The following MCMDC2 variants were observed in gnomAD, a reference collection of about 807,000 sequenced individuals.
The protein encoded by MCMDC2 is minichromosome maintenance domain-containing protein 2.
MCMDC2 carries 54 observed loss-of-function variants against 75.8 expected under a neutral mutation model. The ratio of observed to expected loss-of-function variants is 0.71; its 90% CI spans 0.57 to 0.89. MCMDC2 has a LOEUF of 0.89. Among genes scored for constraint, MCMDC2 ranks in the 40% least tolerant of loss-of-function variants. The probability of loss-of-function intolerance (pLI) is 0.00; values close to 1 mark genes in which losing one functional copy is unlikely to be tolerated. For synonymous variants in MCMDC2, 249 were observed against 274.6 expected (o/e 0.91, Z 0.92); for missense variants, 656 against 780.4 (o/e 0.84, Z 1.90).
At chr8:66,903,012 T>C (rs1391034150) in intron 13 of MCMDC2, among the ~76,000 whole-genome samples, 1 of 150,480 alleles carries the variant, frequency 6.6e-6, no homozygotes, top group East Asian at 2.0e-4. Context: ...CTGAGCTACT[T>C]GGGAGGCTGT....
chr8:66,879,087 C>A (rs1364853868), intron 7 of MCMDC2, among the ~76,000 whole-genome samples, 168 bp downstream of exon 7: 2 of 151,964 alleles, frequency 1.3e-5, no homozygotes, highest in African/African-American at 4.8e-5. Context: ...GAGACCCCAT[C>A]TCTACAAAAA....
At chr8:66,882,915 G>A (rs2130805958) in intron 8 of MCMDC2, among the ~76,000 whole-genome samples, 1 of 152,328 alleles carries the variant, frequency 6.6e-6, no homozygotes, top group Admixed American at 6.5e-5. Flanking sequence ...TTCTGTAGGT[G>A]GAGAGTGTGC....
Position 66,919,435 on chromosome 8 carries a change from A to G in MCMDC2, c.*266A>G. ...ATAAAGTTGTCAAGGAGAATACTAT[A>G]AAGAAAAACCTGGTTAGCCCAGAAT... is the stretch of plus-strand genomic sequence containing the variant. On this transcript the variant is annotated 3_prime_UTR_variant, in exon 15 of 15. Transcript: ENST00000422365. The G allele has an allele frequency of 4.2e-6, 1 of 235,760 alleles. No homozygotes were observed. The highest frequency in any genetic ancestry group is 8.1e-6 in the Non-Finnish European group (1 of 123,274). 14.6% of individuals were successfully genotyped at this position (235,760 alleles called of 1,614,324 possible).
intron 1 of MCMDC2, among the ~76,000 whole-genome samples, chr8:66,873,670 G>A (rs1470592728): frequency 1.3e-5 from 2 of 152,000 alleles, no homozygotes; most frequent in African/African-American, 4.8e-5. Flanking sequence ...GGCGGATCAC[G>A]AGGTCAGGAG....
rs1342074246 is a variant in MCMDC2 at position 66,922,002 on chromosome 8, A to AT, written c.*2836dup. On this transcript the variant is annotated 3_prime_UTR_variant, in exon 15 of 15. Transcript: ENST00000422365. ...AGCCAAATATGTATTTTTCTCCATA[A>AT]TTTATTGTGATGTTATCAACATCAA... is the stretch of plus-strand genomic sequence containing the variant. 2 of 152,802 alleles carry AT rather than the reference A, an allele frequency of 1.3e-5. No individual in the cohort carries two copies. The highest frequency in any genetic ancestry group is 2.9e-5 in the Non-Finnish European group (2 of 68,440). 9.5% of individuals were successfully genotyped at this position (152,802 alleles called of 1,614,324 possible).
At chr8:66,882,479 C>T (rs369464003) in intron 8 of MCMDC2, among the ~76,000 whole-genome samples, 23 of 152,122 alleles carry the variant, frequency 1.5e-4, no homozygotes, top group Non-Finnish European at 3.1e-4. Flanking sequence ...GATTCTCCTG[C>T]CTCAGCCTCT....
At chr8:66,899,898 GATC>G (rs1467435479) in intron 12 of MCMDC2, among the ~76,000 whole-genome samples, 1 of 151,328 alleles carries the variant, frequency 6.6e-6, no homozygotes, top group Non-Finnish European at 1.5e-5. Context: ...GAGGCGGGCA[GATC>G]ACCTGAGGTC....
At chr8:66,913,697 G>A (rs2130868066) in intron 14 of MCMDC2, among the ~76,000 whole-genome samples, 1 of 152,240 alleles carries the variant, frequency 6.6e-6, no homozygotes, top group Non-Finnish European at 1.5e-5. Flanking sequence ...CGGGCGCAGT[G>A]GTTCACGCCT....
At chr8:66,904,785 T>C (rs1051392674) in intron 13 of MCMDC2, among the ~76,000 whole-genome samples, 1 of 152,188 alleles carries the variant, frequency 6.6e-6, no homozygotes, top group African/African-American at 2.4e-5. Context: ...AGAGGAAATT[T>C]AGTTTTCTGA....
chr8:66,917,536 C>T (rs901877758), intron 14 of MCMDC2, among the ~76,000 whole-genome samples: 1 of 152,202 alleles, frequency 6.6e-6, no homozygotes, highest in African/African-American at 2.4e-5. Context: ...TCTTCCCAAA[C>T]TGAAACTGCG....
chr8:66,883,779 C>T lies in MCMDC2; in HGVS notation c.858C>T (p.Asn286=). The change falls in exon 9 of 15, where the codon AAC becomes AAT. Residue 286 remains asparagine, a synonymous_variant. Transcript: ENST00000422365. ...NSKVPSGISD[N]FRCLLSLTSS... ...CAGTTCCTTCAGGAATTAGTGACAA[C>T]TTCAGGTGTCTCCTCTCCTTAACTT... 2 of 1,610,056 alleles carry T rather than the reference C, an allele frequency of 1.2e-6. No individual in the cohort carries two copies. Among genetic ancestry groups the T allele is most frequent in the Non-Finnish European group, 1.7e-6 (2 of 1,177,398 alleles).
intron 14 of MCMDC2, among the ~76,000 whole-genome samples, chr8:66,911,128 G>A (rs543556590): frequency 1.6e-4 from 24 of 152,098 alleles, no homozygotes; most frequent in Non-Finnish European, 3.4e-4. Context: ...GGGTTGGGGT[G>A]GACTGATATG....
intron 7 of MCMDC2, among the ~76,000 whole-genome samples, 184 bp from the exon 8 acceptor site, chr8:66,880,664 CA>C (rs1811514983): frequency 6.6e-6 from 1 of 152,158 alleles, no homozygotes; most frequent in South Asian, 2.1e-4. Context: ...AAAAATTTAT[CA>C]GCAATAAAAT....
At chr8:66,880,105 A>G (rs1811490309) in intron 7 of MCMDC2, among the ~76,000 whole-genome samples, 1 of 152,242 alleles carries the variant, frequency 6.6e-6, no homozygotes, top group Non-Finnish European at 1.5e-5. Context: ...GGAACCTAGT[A>G]TAATGCAAGA....
chr8:66,918,035 T>C (rs1253200847), intron 14 of MCMDC2, among the ~76,000 whole-genome samples: 1 of 152,232 alleles, frequency 6.6e-6, no homozygotes, highest in African/African-American at 2.4e-5. Flanking sequence ...ACAAAGCTTC[T>C]AATTTCTCCA....
chr8:66,912,975 A>T (rs190573595), intron 14 of MCMDC2, among the ~76,000 whole-genome samples: 1 of 152,120 alleles, frequency 6.6e-6, no homozygotes, highest in Non-Finnish European at 1.5e-5. Flanking sequence ...AAAAAAACCA[A>T]CATCACATGC....
In MCMDC2 at chr8:66,921,426, C is replaced by CCTGTATAG; in HGVS notation, c.*2258_*2259insTGTATAGC. 1 of 152,068 alleles carries CCTGTATAG rather than the reference C, an allele frequency of 6.6e-6. No homozygotes were observed. Among genetic ancestry groups the CCTGTATAG allele is most frequent in the African/African-American group, 2.4e-5 (1 of 41,374 alleles). The allele number at this position is 152,068 out of a possible 1,614,324, so 9.4% of individuals were successfully genotyped here. A position where few individuals can be genotyped will look rare whatever the true frequency, so the allele number is the denominator to read the frequency against. On this transcript the variant is annotated 3_prime_UTR_variant, in exon 15 of 15. Transcript: ENST00000422365. ...AAGATGTTGCTATACAGGTTTTATA[C>CCTGTATAG]CATTTATCATATAAAAATTATAACC... is the stretch of plus-strand genomic sequence containing the variant.
chr8:66,919,027 C>G lies in MCMDC2; in HGVS notation c.1904C>G (p.Pro635Arg), dbSNP rs983524055. The G allele has an allele frequency of 7.8e-6, 12 of 1,533,930 alleles. No homozygotes were observed. The highest frequency in any genetic ancestry group is 9.7e-6 in the Non-Finnish European group (11 of 1,138,664). ...KYGATVFCVA[P>R]NAVFPFELYN... ...GGGGCCACTGTATTTTGTGTTGCTC[C>G]GAATGCAGTATTTCCATTTGAACTG... The change falls in exon 15 of 15, where the codon CCG becomes CGG. Residue 635 changes from proline (P) to arginine (R), a missense_variant. Transcript: ENST00000422365.
chr8:66,881,568 C>T (rs926824536), intron 8 of MCMDC2, among the ~76,000 whole-genome samples: 1 of 152,190 alleles, frequency 6.6e-6, no homozygotes, highest in Non-Finnish European at 1.5e-5. Context: ...TGCCTGTAAT[C>T]CCAGCTACTT....
Sources: gnomAD v4.1 joint callset for allele counts (sites outside exome capture counted in the v4.1 genomes callset) on GRCh38, gnomAD v4.1.1 for gene constraint, MANE v1.5 for transcripts, NCBI Gene and HGNC (gene_info 2026-07-23, HGNC 2026-07-21) for gene names.